MYO1D: variants seen among roughly 807,000 people sequenced by gnomAD.
MYO1D encodes the protein myosin ID, also known as unconventional myosin-Id.
A neutral mutation model predicts 122.0 loss-of-function variants in MYO1D; 83 were observed. The observed-to-expected ratio is 0.68, with a 90% CI of 0.57 to 0.82. The LOEUF is 0.82. MYO1D is among the 40% of genes least tolerant of loss of function. MYO1D has a pLI of 0.00. For missense variants in MYO1D, 1,157 were observed against 1,269.5 expected, an observed-to-expected ratio of 0.91 and a Z score of 1.35; for synonymous variants, 464 against 446.9, an observed-to-expected ratio of 1.04 and a Z score of -0.48.
intron 1 of MYO1D, among the ~76,000 whole-genome samples, chr17:32,842,521 C>T (rs936227911): frequency 1.3e-5 from 2 of 152,084 alleles, no homozygotes; most frequent in Admixed American, 6.6e-5. Flanking sequence ...GGCTCTCTTT[C>T]GCTCTCTTTC....
intron 1 of MYO1D, among the ~76,000 whole-genome samples, chr17:32,828,691 T>C (rs1380070640): frequency 6.6e-6 from 1 of 152,064 alleles, no homozygotes; most frequent in Non-Finnish European, 1.5e-5. Flanking sequence ...GTGGGCAAAA[T>C]CAATTATTTC....
chr17:32,861,258 G>C (rs373676458), intron 1 of MYO1D, among the ~76,000 whole-genome samples: 1 of 151,938 alleles, frequency 6.6e-6, no homozygotes, highest in East Asian at 1.9e-4. Context: ...GTAGAGATGG[G>C]GGTTTCACCA....
At chr17:32,496,543 G>A (rs1909118712) in intron 21 of MYO1D, among the ~76,000 whole-genome samples, 1 of 152,238 alleles carries the variant, frequency 6.6e-6, no homozygotes, top group South Asian at 2.1e-4. Flanking sequence ...GCTCTGCAGG[G>A]CTCATGTGCA....
intron 21 of MYO1D, among the ~76,000 whole-genome samples, chr17:32,591,229 T>C (rs1409453146): frequency 6.6e-6 from 1 of 152,202 alleles, no homozygotes; most frequent in African/African-American, 2.4e-5. Flanking sequence ...TTAACATTGT[T>C]TGATTTTTGC....
rs1026525127 is a variant in MYO1D at position 32,494,565 on chromosome 17, G to T, written c.*194C>A. 1.1e-5 allele frequency: 8 copies of T among 703,634 alleles called. No homozygotes were observed. Among genetic ancestry groups the T allele is most frequent in the Admixed American group, 6.0e-5 (2 of 33,232 alleles). The allele number at this position is 703,634 out of a possible 1,614,324, so 43.6% of individuals were successfully genotyped here. On this transcript the variant is annotated 3_prime_UTR_variant, in exon 22 of 22. Transcript: ENST00000318217. ...CAGGGTCTTTGGCTTATTGAACAGG[G>T]ACCGTGGACAGTAAGGACAGAGGAA...
At chr17:32,545,164 CA>C (rs2086955892) in intron 21 of MYO1D, among the ~76,000 whole-genome samples, 1 of 152,164 alleles carries the variant, frequency 6.6e-6, no homozygotes, top group South Asian at 2.1e-4. Context: ...GCAGAGTGCG[CA>C]AGACACAAAC....
chr17:32,844,714 G>A (rs2090919504), intron 1 of MYO1D, among the ~76,000 whole-genome samples: 1 of 151,836 alleles, frequency 6.6e-6, no homozygotes, highest in African/African-American at 2.4e-5. Context: ...GACAGGGCAA[G>A]ACCCTATCTC....
At chr17:32,663,074 C>G (rs984152147) in intron 16 of MYO1D, among the ~76,000 whole-genome samples, 1 of 151,966 alleles carries the variant, frequency 6.6e-6, no homozygotes, top group African/African-American at 2.4e-5. Context: ...CCTGCCACCA[C>G]GCCTGGCTAA....
At chr17:32,543,800 CT>C (rs981645160) in intron 21 of MYO1D, among the ~76,000 whole-genome samples, 33 of 146,740 alleles carry the variant, frequency 2.2e-4, no homozygotes, top group Non-Finnish European at 2.7e-4. Flanking sequence ...TTAAATCTTG[CT>C]TTTTTTTTTG....
chr17:32,625,574 G>A (rs2087916989), intron 20 of MYO1D, among the ~76,000 whole-genome samples: 1 of 151,106 alleles, frequency 6.6e-6, no homozygotes, highest in Non-Finnish European at 1.5e-5. Flanking sequence ...TTTTTAAATA[G>A]GGTCTCGCTC....
intron 3 of MYO1D, among the ~76,000 whole-genome samples, chr17:32,777,858 C>T (rs188322741): frequency 0.014 from 2,155 of 152,100 alleles, 42 homozygotes; most frequent in African/African-American, 0.049. Flanking sequence ...GGCATGAACC[C>T]GGGAGGCGGA....
chr17:32,829,005 C>A (rs1315070277), intron 1 of MYO1D, among the ~76,000 whole-genome samples: 1 of 152,154 alleles, frequency 6.6e-6, no homozygotes, highest in Non-Finnish European at 1.5e-5. Flanking sequence ...AATCACTGAG[C>A]TACACTGCCT....
chr17:32,844,046 G>T (rs1246699019), intron 1 of MYO1D, among the ~76,000 whole-genome samples: 2 of 150,166 alleles, frequency 1.3e-5, no homozygotes, highest in African/African-American at 2.4e-5. Flanking sequence ...CACACACAAG[G>T]ATATTTATCA....
intron 15 of MYO1D, among the ~76,000 whole-genome samples, chr17:32,718,755 T>A (rs2089475738): frequency 1.3e-5 from 2 of 152,008 alleles, no homozygotes; most frequent in African/African-American, 4.8e-5. Flanking sequence ...CCTCTTCTGG[T>A]TTTTCTTCTA....
At chr17:32,783,656 G>T (rs1215944985) in intron 1 of MYO1D, among the ~76,000 whole-genome samples, 1 of 152,162 alleles carries the variant, frequency 6.6e-6, no homozygotes, top group African/African-American at 2.4e-5. Context: ...TCTAAGTTTG[G>T]TTATCAAATA....
chr17:32,773,844 C>T lies in MYO1D; in HGVS notation c.565-1002G>A, dbSNP rs1000607956. 3.3e-5 allele frequency among the ~76,000 whole-genome samples: 5 copies of T among 152,250 alleles called. No individual in the cohort carries two copies. In the South Asian group the frequency reaches 6.2e-4, roughly 19 times the overall value. On this transcript the variant is annotated intron_variant, in intron 4 of 21. Coordinates refer to ENST00000318217, the MANE Select transcript of MYO1D (RefSeq NM_015194.3). ...TGGGCAAATGATCTGAGATGCCTGA[C>T]GTCCAGGCATTCTTTTACACATCGG...
At chr17:32,699,205 C>T (rs1216416246) in intron 16 of MYO1D, among the ~76,000 whole-genome samples, 1 of 152,084 alleles carries the variant, frequency 6.6e-6, no homozygotes, top group Non-Finnish European at 1.5e-5. Flanking sequence ...CCTCGTGATC[C>T]CCCTGCCTCA....
At chr17:32,786,748 G>C (rs2151033367) in intron 1 of MYO1D, among the ~76,000 whole-genome samples, 1 of 152,162 alleles carries the variant, frequency 6.6e-6, no homozygotes, top group Middle Eastern at 3.4e-3. Flanking sequence ...TGAACCCAGG[G>C]GGCAGAGGTT....
chr17:32,528,847 G>A (rs558019145), intron 21 of MYO1D, among the ~76,000 whole-genome samples: 1 of 152,340 alleles, frequency 6.6e-6, no homozygotes, highest in South Asian at 2.1e-4. Context: ...AGCCTCCAGA[G>A]GGAACAGGCC....
Sources: allele counts gnomAD v4.1 joint callset (sites outside exome capture counted in the v4.1 genomes callset), GRCh38; gene constraint gnomAD v4.1.1; transcripts MANE v1.5; gene names NCBI Gene and HGNC (gene_info 2026-07-23, HGNC 2026-07-21).